Variants in CUBN observed in about 807,000 individuals in gnomAD.
CUBN encodes the protein 460 kDa receptor.
CUBN carries 282 observed loss-of-function variants against 405.3 expected under a neutral mutation model. The ratio of observed to expected loss-of-function variants is 0.70; its 90% CI spans 0.63 to 0.77. The LOEUF (loss-of-function observed/expected upper bound fraction) is 0.77, where lower values mean the gene tolerates loss of function less well. Ranked by LOEUF, CUBN falls within the 30% of genes least tolerant of loss-of-function variation. The pLI, the probability that CUBN is intolerant of heterozygous loss-of-function variation, is 0.00. For synonymous variants in CUBN, 1,684 were observed against 1,617.0 expected (o/e 1.04, Z -0.99); for missense variants, 4,514 against 4,475.2 (o/e 1.01, Z -0.25).
At position 17,018,961 on chromosome 10, in the gene CUBN, C is replaced by T. The variant is rs561224838; in HGVS notation, c.4168+872G>A. 5.9e-5 allele frequency among the ~76,000 whole-genome samples: 9 copies of T among 152,284 alleles called. No individual in the cohort carries two copies. In the South Asian group the frequency reaches 8.3e-4, roughly 14 times the overall value. ...TCCCCACCTGACCCAGAAGCTCAGC[C>T]GGCTTCACCTCTCAGTAGTTTCCAA... On this transcript the variant is annotated intron_variant, in intron 28 of 66. Transcript: ENST00000377833.
intron 29 of CUBN, among the ~76,000 whole-genome samples, chr10:16,990,121 G>A (rs1188497118): frequency 5.9e-5 from 9 of 152,240 alleles, no homozygotes; most frequent in Non-Finnish European, 1.3e-4. Flanking sequence ...TCCTAACTCA[G>A]CTGCTGCAAG....
chr10:17,104,986 T>C (rs184640575), intron 11 of CUBN, among the ~76,000 whole-genome samples: 4 of 151,682 alleles, frequency 2.6e-5, no homozygotes, highest in Admixed American at 2.6e-4. Flanking sequence ...CTTTTTGCAG[T>C]AGAGACAGTG....
Position 16,835,011 on chromosome 10 carries a change from C to T in CUBN, c.10362+3G>A. Reference sequence around the variant, plus strand: ...ATTCAAACGATATTCAAATGCATATCACCTCCAAGAAATCGTTTCTGCATT... The same window carrying T: ...ATTCAAACGATATTCAAATGCATATTACCTCCAAGAAATCGTTTCTGCATT... On this transcript the variant is annotated splice_donor_region_variant and intron_variant, in intron 64 of 66. Coordinates refer to ENST00000377833, the MANE Select transcript of CUBN (RefSeq NM_001081.4). The T allele has an allele frequency of 6.2e-7, 1 of 1,612,852 alleles. No individual in the cohort carries two copies. The highest frequency in any genetic ancestry group is 8.5e-7 in the Non-Finnish European group (1 of 1,178,898).
chr10:16,866,866 T>C (rs747559714), intron 59 of CUBN, among the ~76,000 whole-genome samples: 3 of 152,182 alleles, frequency 2.0e-5, no homozygotes, highest in Non-Finnish European at 4.4e-5. Context: ...GGAGACCCAA[T>C]TTCACTACAT....
intron 17 of CUBN, among the ~76,000 whole-genome samples, chr10:17,080,708 G>A (rs1199519966): frequency 1.3e-5 from 2 of 152,172 alleles, no homozygotes; most frequent in South Asian, 2.1e-4. Flanking sequence ...TTATTATTCA[G>A]CCTACAACTT....
chr10:16,902,048 C>T (rs1841403162), intron 51 of CUBN, among the ~76,000 whole-genome samples: 1 of 133,052 alleles, frequency 7.5e-6, no homozygotes, highest in South Asian at 2.3e-4. Context: ...TATATACACA[C>T]ACCATATATA....
At position 17,045,150 on chromosome 10, in the gene CUBN, T is replaced by C. The variant is rs770939091; in HGVS notation, c.3529A>G (p.Ile1177Val). Residue 1177 changes from isoleucine (I) to valine (V), a missense_variant, in exon 25 of 67, where the codon ATA (isoleucine) becomes GTA (valine). Physicochemically the swap from Ile to Val is conservative, Grantham distance 29. Coordinates refer to ENST00000377833, the MANE Select transcript of CUBN (RefSeq NM_001081.4). Reference protein sequence around the residue: ...GNLTTSSGTFISPNYPMPYYH... With the variant: ...GNLTTSSGTFVSPNYPMPYYH... Reference sequence around the variant, plus strand: ...TAGGGCATCGGGTAGTTGGGAGATATGAACGTGCCGCTTGAAGTGGTGAGA... The same window carrying C: ...TAGGGCATCGGGTAGTTGGGAGATACGAACGTGCCGCTTGAAGTGGTGAGA... The C allele has an allele frequency of 3.7e-6, 6 of 1,613,888 alleles. No individual in the cohort carries two copies. The highest frequency in any genetic ancestry group is 5.1e-6 in the Non-Finnish European group (6 of 1,179,938).
rs1246504845 is a variant in CUBN, at chr10:17,068,788, A to C, written c.2626-18T>G. 2 of 1,578,982 alleles carry C rather than the reference A, an allele frequency of 1.3e-6. No individual in the cohort carries two copies. The highest frequency in any genetic ancestry group is 1.7e-6 in the Non-Finnish European group (2 of 1,149,458). On this transcript the variant is annotated intron_variant, in intron 19 of 66. Coordinates refer to ENST00000377833, the MANE Select transcript of CUBN (RefSeq NM_001081.4). ...CTACCAATCTAAAATTAGAGAAGAT[A>C]TGTTCAAATATGTTGTATATCAATT... is the stretch of plus-strand genomic sequence containing the variant.
At chr10:16,922,907 T>C (rs1008841303) in intron 43 of CUBN, among the ~76,000 whole-genome samples, 3 of 151,122 alleles carry the variant, frequency 2.0e-5, no homozygotes, top group Non-Finnish European at 4.4e-5. Flanking sequence ...TGGAGTGCAG[T>C]GGTATGATCG....
At chr10:17,096,925 T>A (rs1020902328) in intron 14 of CUBN, among the ~76,000 whole-genome samples, 1 of 152,036 alleles carries the variant, frequency 6.6e-6, no homozygotes, top group Non-Finnish European at 1.5e-5. Context: ...TTAAAACCTG[T>A]GGGATGCAAA....
At position 17,072,430 on chromosome 10, in the gene CUBN, CAACTTAAA is replaced by C. The variant is rs550264819; in HGVS notation, c.2302-467_2302-460del. On this transcript the variant is annotated intron_variant, in intron 17 of 66. Transcript: ENST00000377833. The stretch of plus-strand genomic sequence containing the variant: ...GAGAAAGTAAAAGAATGTAAGGAGT[CAACTTAAA>C]AACTTAGAAAGAAGGCCAGGGACAG... Among the ~76,000 whole-genome samples the C allele has an allele frequency of 4.7e-3, 712 of 152,054 alleles. 7 individuals are homozygous for C. The highest frequency in any genetic ancestry group is 0.016 in the African/African-American group (661 of 41,466).
At chr10:16,965,803 C>A in intron 31 of CUBN, 1 of 302,796 alleles carries the variant, frequency 3.3e-6, no homozygotes, top group Admixed American at 4.9e-5. Context: ...TTATCTGAAC[C>A]AGACACTGAT....
Position 16,824,728 on chromosome 10 carries a change from C to T in CUBN, c.*247G>A. On this transcript the variant is annotated 3_prime_UTR_variant, in exon 67 of 67. Transcript: ENST00000377833. The stretch of plus-strand genomic sequence containing the variant: ...AGAGATGAGGTTTCACCATGCTGGC[C>T]AGGCTAGTCTCAAACTCCTGACCTC... 2.3e-6 allele frequency: 1 copy of T among 430,450 alleles called. No individual in the cohort carries two copies. Among genetic ancestry groups the T allele is most frequent in the Non-Finnish European group, 4.4e-6 (1 of 225,660 alleles). The allele number at this position is 430,450 out of a possible 1,614,324, so 26.7% of individuals were successfully genotyped here. A position where few individuals can be genotyped will look rare whatever the true frequency, so the allele number is the denominator to read the frequency against.
In CUBN at chr10:17,085,702, A is replaced by C; in HGVS notation, c.2005T>G (p.Ser669Ala). ...CCAGTAGTCTGGAGCGGTGGGACAG[A>C]GAAAGTGGTGCAGAACTTCCCAAGA... is the stretch of plus-strand genomic sequence containing the variant. Reference protein sequence around the residue: ...PLLGKFCTTFSVPPLQTTGPF... With the variant: ...PLLGKFCTTFAVPPLQTTGPF... The change falls in exon 16 of 67, where the codon TCT (serine) becomes GCT (alanine). Residue 669 changes from serine (S) to alanine (A), a missense_variant. Transcript: ENST00000377833. 1 of 1,614,106 alleles carries C rather than the reference A, an allele frequency of 6.2e-7. No individual in the cohort carries two copies. Among genetic ancestry groups the C allele is most frequent in the Non-Finnish European group, 8.5e-7 (1 of 1,179,958 alleles).
At chr10:16,894,625 G>A (rs568236920) in intron 54 of CUBN, among the ~76,000 whole-genome samples, 38 of 152,256 alleles carry the variant, frequency 2.5e-4, no homozygotes, top group Non-Finnish European at 4.6e-4. Flanking sequence ...TAAATAGTAA[G>A]GTAGAATTCT....
At chr10:17,005,014 CT>C (rs1833980200) in intron 28 of CUBN, among the ~76,000 whole-genome samples, 1 of 152,142 alleles carries the variant, frequency 6.6e-6, no homozygotes. Flanking sequence ...TCTCCCTGCT[CT>C]GACTAGTCAC....
intron 27 of CUBN, among the ~76,000 whole-genome samples, chr10:17,036,754 T>G (rs1017963322): frequency 6.6e-6 from 1 of 152,160 alleles, no homozygotes; most frequent in African/African-American, 2.4e-5. Flanking sequence ...AAAGAGGTGA[T>G]TATAATAAAT....
At chr10:17,127,266 T>TTC (rs1475969246) in intron 3 of CUBN, among the ~76,000 whole-genome samples, 1 of 106,638 alleles carries the variant, frequency 9.4e-6, no homozygotes, top group African/African-American at 3.9e-5. Flanking sequence ...CTCTCTTTCT[T>TTC]TTTTTTTTTT....
In CUBN at chr10:17,026,399, G is replaced by A. The variant is rs181500770; in HGVS notation, c.4018-6416C>T. 3.1e-3 allele frequency among the ~76,000 whole-genome samples: 476 copies of A among 152,258 alleles called. 2 individuals carry two copies. Among genetic ancestry groups the A allele is most frequent in the African/African-American group, 8.5e-3 (352 of 41,544 alleles). The stretch of plus-strand genomic sequence containing the variant: ...TGTAATCCCAGCCCTTAGGGAAGCC[G>A]AAGCGGGTGATCACTTGAGGCCAGG... On this transcript the variant is annotated intron_variant, in intron 27 of 66. Coordinates refer to ENST00000377833, the MANE Select transcript of CUBN (RefSeq NM_001081.4).
Sources: gnomAD v4.1 joint callset for allele counts (sites outside exome capture counted in the v4.1 genomes callset) on GRCh38, gnomAD v4.1.1 for gene constraint, MANE v1.5 for transcripts, NCBI Gene and HGNC (gene_info 2026-07-23, HGNC 2026-07-21) for gene names.